Variants in SH3PXD2A observed in about 807,000 individuals in gnomAD.
The protein encoded by SH3PXD2A is SH3 and PX domains 2A, also known as SH3 and PX domain-containing protein 2A.
In SH3PXD2A, 32 loss-of-function variants were observed where a neutral mutation model predicts 115.2. The ratio of observed to expected loss-of-function variants is 0.28; its 90% confidence interval spans 0.21 to 0.37. The LOEUF (loss-of-function observed/expected upper bound fraction) is 0.37, where lower values mean the gene tolerates loss of function less well. Ranked by LOEUF, SH3PXD2A falls within the 10% of genes least tolerant of loss-of-function variation. SH3PXD2A has a pLI of 1.00. For synonymous variants in SH3PXD2A, 610 were observed against 629.1 expected (o/e 0.97, Z 0.45); for missense variants, 1,328 against 1,498.7 (o/e 0.89, Z 1.88).
intron 3 of SH3PXD2A, chr10:103,736,927 A>G: frequency 2.0e-6 from 1 of 510,708 alleles, no homozygotes; most frequent in Non-Finnish European, 3.6e-6. Context: ...CTAGTCAGCC[A>G]GAGTCACAGT....
At chr10:103,705,376 G>C (rs1315562657) in intron 5 of SH3PXD2A, among the ~76,000 whole-genome samples, 1 of 152,198 alleles carries the variant, frequency 6.6e-6, no homozygotes, top group Non-Finnish European at 1.5e-5. Context: ...CTTACCCAAA[G>C]GTGGGAGTGG....
chr10:103,643,196 G>A (rs1250346742), intron 8 of SH3PXD2A, among the ~76,000 whole-genome samples: 1 of 152,136 alleles, frequency 6.6e-6, no homozygotes, highest in Non-Finnish European at 1.5e-5. Flanking sequence ...TGCTTTTCCA[G>A]GCTCCTTTCC....
At chr10:103,751,637 C>T (rs1160764392) in intron 3 of SH3PXD2A, among the ~76,000 whole-genome samples, 3 of 152,218 alleles carry the variant, frequency 2.0e-5, no homozygotes, top group Non-Finnish European at 4.4e-5. Context: ...CTCATGGGCA[C>T]AGATGAAAAA....
intron 3 of SH3PXD2A, among the ~76,000 whole-genome samples, chr10:103,740,482 T>G (rs1264895272): frequency 6.6e-6 from 1 of 152,142 alleles, no homozygotes. Context: ...TGGACTCCCA[T>G]GAGAGCCAGG....
At chr10:103,810,047 C>T (rs1300248250) in intron 1 of SH3PXD2A, among the ~76,000 whole-genome samples, 1 of 152,112 alleles carries the variant, frequency 6.6e-6, no homozygotes, top group Non-Finnish European at 1.5e-5. Context: ...AGGAAGCCTC[C>T]CTACTGCTGG....
At chr10:103,776,804 A>G (rs1231490729) in intron 2 of SH3PXD2A, among the ~76,000 whole-genome samples, 1 of 151,950 alleles carries the variant, frequency 6.6e-6, no homozygotes. Context: ...GAGCCACCCT[A>G]CTCCCGGATG....
At chr10:103,682,543 G>T (rs2037624138) in intron 6 of SH3PXD2A, among the ~76,000 whole-genome samples, 2 of 152,186 alleles carry the variant, frequency 1.3e-5, no homozygotes, top group Admixed American at 1.3e-4. Flanking sequence ...GGATCACAAG[G>T]TCAGGAGTTC....
intron 7 of SH3PXD2A, among the ~76,000 whole-genome samples, chr10:103,667,315 C>T (rs550623049): frequency 9.2e-5 from 14 of 152,296 alleles, no homozygotes; most frequent in South Asian, 4.1e-4. Context: ...AGGCTCCCCA[C>T]GACTCCCCAA....
intron 3 of SH3PXD2A, among the ~76,000 whole-genome samples, chr10:103,757,208 C>T (rs1411483789): frequency 2.6e-5 from 4 of 152,120 alleles, no homozygotes; most frequent in East Asian, 1.9e-4. Context: ...GGAGTGTCAC[C>T]GAGCCCTGAA....
Position 103,627,556 on chromosome 10 carries a change from T to C in SH3PXD2A, c.605-354A>G, listed in dbSNP as rs572226363. Among the ~76,000 whole-genome samples, 1 of 152,356 alleles carries C rather than the reference T, an allele frequency of 6.6e-6. No individual in the cohort carries two copies. Among genetic ancestry groups the C allele is most frequent in the East Asian group, 1.9e-4 (1 of 5,188 alleles). On this transcript the variant is annotated intron_variant, in intron 8 of 14. Transcript: ENST00000369774. The surrounding 1 kb of genome is among the most constrained non-coding windows in gnomAD (Gnocchi z 4.4). ...ATACAGAGAGACCATTTATGGTCTTTGAAACCCATTAGGATGACTGGTTTG... is the reference window on the plus strand; with the variant it reads ...ATACAGAGAGACCATTTATGGTCTTCGAAACCCATTAGGATGACTGGTTTG...
At chr10:103,816,997 ATTTT>A (rs56260224) in intron 1 of SH3PXD2A, among the ~76,000 whole-genome samples, 8 of 99,606 alleles carry the variant, frequency 8.0e-5, no homozygotes, top group African/African-American at 2.7e-4. Flanking sequence ...CACCCGGCTA[ATTTT>A]TTTTTTTTTT....
chr10:103,615,483 GGTGTGTGTGTGTGTGTGTGTGTGTGT>G lies in SH3PXD2A; in HGVS notation c.920+1688_920+1713del, dbSNP rs57711259. On this transcript the variant is annotated intron_variant, in intron 11 of 14. Transcript: ENST00000369774. ...GAAAGGGCGCGATGGAGAGTGCGAG[GGTGTGTGTGTGTGTGTGTGTGTGTGT>G]GTGTGTGTGTGTGTGTGTGTGTAGG... 8.6e-5 allele frequency among the ~76,000 whole-genome samples: 11 copies of G among 128,598 alleles called. No homozygotes were observed. The South Asian group carries it at 1.2e-3, about 14-fold the overall frequency. The allele number at this position is 128,598 out of a possible 152,430, so 84.4% of individuals were successfully genotyped here.
At chr10:103,745,901 T>C (rs560013048) in intron 3 of SH3PXD2A, 41 of 152,322 alleles carry the variant, frequency 2.7e-4, no homozygotes, top group African/African-American at 9.4e-4. Context: ...CATTCTAGGG[T>C]GACTCACACA....
In SH3PXD2A at chr10:103,835,708, T is replaced by C. The variant is rs148110059; in HGVS notation, c.72+19487A>G. 5.2e-3 allele frequency among the ~76,000 whole-genome samples: 793 copies of C among 152,220 alleles called. 10 individuals carry two copies. Among genetic ancestry groups the C allele is most frequent in the Non-Finnish European group, 5.6e-3 (379 of 67,992 alleles). ...CCAAGTCTTCGCTGATTTTCCAGTC[T>C]CCCGTGCAGCTCTACCCTCCTCTGG... On this transcript the variant is annotated intron_variant, in intron 1 of 14. Transcript: ENST00000369774.
At chr10:103,724,232 C>G in intron 5 of SH3PXD2A, 38 bp downstream of exon 5, 1 of 1,239,946 alleles carries the variant, frequency 8.1e-7, no homozygotes, top group Non-Finnish European at 1.1e-6. Context: ...TAGCCCACGC[C>G]TCCCCAGCAC....
intron 1 of SH3PXD2A, among the ~76,000 whole-genome samples, chr10:103,807,907 C>A (rs969167827): frequency 6.6e-6 from 1 of 152,220 alleles, no homozygotes; most frequent in African/African-American, 2.4e-5. Flanking sequence ...GACACGATCA[C>A]CGCTCTGGCT....
intron 1 of SH3PXD2A, among the ~76,000 whole-genome samples, chr10:103,817,001 T>A (rs1216110720): frequency 6.8e-6 from 1 of 146,400 alleles, no homozygotes; most frequent in African/African-American, 2.5e-5. Flanking sequence ...CGGCTAATTT[T>A]TTTTTTTTTT....
At chr10:103,750,982 C>T (rs2038571464) in intron 3 of SH3PXD2A, among the ~76,000 whole-genome samples, 1 of 152,192 alleles carries the variant, frequency 6.6e-6, no homozygotes, top group Admixed American at 6.5e-5. Context: ...TGCCGCAGAA[C>T]ACCACAGCGG....
At chr10:103,842,304 G>C (rs7915935) in intron 1 of SH3PXD2A, among the ~76,000 whole-genome samples, 132,374 of 151,940 alleles carry the variant, frequency 0.87, 58,798 homozygotes, top group East Asian at 0.99. Context: ...AATTTTGGGG[G>C]TACCTGTGAT....
Sources: allele counts gnomAD v4.1 joint callset (sites outside exome capture counted in the v4.1 genomes callset), GRCh38; gene constraint gnomAD v4.1.1; non-coding constraint Gnocchi (gnomAD v3.1); transcripts MANE v1.5; gene names NCBI Gene and HGNC (gene_info 2026-07-23, HGNC 2026-07-21).